Variants in TACC1 observed in about 807,000 individuals in gnomAD.
TACC1 encodes the protein transforming acidic coiled-coil-containing protein 1.
A neutral mutation model predicts 84.4 loss-of-function variants in TACC1; 48 were observed. The ratio of observed to expected loss-of-function variants is 0.57; its 90% CI spans 0.45 to 0.72. TACC1 has a LOEUF of 0.72. Ranked by LOEUF, TACC1 falls within the 30% of genes least tolerant of loss-of-function variation. The pLI is 0.00. For synonymous variants in TACC1, 372 were observed against 376.3 expected (o/e 0.99, Z 0.13); for missense variants, 920 against 973.0 (o/e 0.95, Z 0.72).
chr8:38,753,139 G>A (rs1390747647), intron 3 of TACC1, among the ~76,000 whole-genome samples: 2 of 152,178 alleles, frequency 1.3e-5, no homozygotes, highest in South Asian at 2.1e-4. Context: ...TCGCTGTGTC[G>A]CCCAGGCTGC....
intron 3 of TACC1, among the ~76,000 whole-genome samples, chr8:38,774,817 C>A (rs4733949): frequency 6.0e-4 from 91 of 152,192 alleles, no homozygotes; most frequent in African/African-American, 2.0e-3. Context: ...TCGAGACCAG[C>A]CTGTCCAACA....
intron 2 of TACC1, among the ~76,000 whole-genome samples, chr8:38,812,113 G>T (rs191456837): frequency 4.6e-5 from 7 of 152,102 alleles, no homozygotes; most frequent in Admixed American, 3.3e-4. Flanking sequence ...TGGTCAGACC[G>T]GTTCTCTGCT....
chr8:38,782,394 C>T (rs538020107), upstream of TACC1, among the ~76,000 whole-genome samples: 1 of 152,150 alleles, frequency 6.6e-6, no homozygotes, highest in African/African-American at 2.4e-5. Context: ...TGTATATGTG[C>T]CACATTTTCT....
intron 2 of TACC1, among the ~76,000 whole-genome samples, chr8:38,807,178 C>CG (rs35477473): frequency 7.2e-5 from 11 of 152,134 alleles, no homozygotes; most frequent in Non-Finnish European, 1.3e-4. Context: ...CTCATACTTC[C>CG]GAGAGTTTTT....
intron 1 of TACC1, among the ~76,000 whole-genome samples, chr8:38,733,393 G>T (rs905172358): frequency 6.6e-6 from 1 of 151,778 alleles, no homozygotes; most frequent in African/African-American, 2.4e-5. Context: ...TCATACACTG[G>T]TGCAGCTCTC....
intron 1 of TACC1, among the ~76,000 whole-genome samples, chr8:38,738,611 C>G (rs1467417142): frequency 6.6e-6 from 1 of 151,570 alleles, no homozygotes; most frequent in Non-Finnish European, 1.5e-5. Flanking sequence ...CTTCTGTGTC[C>G]CTTTGCTAGA....
chr8:38,843,203 AT>A, intron 10 of TACC1, 85 bp from the exon 11 acceptor site: 1 of 914,336 alleles, frequency 1.1e-6, no homozygotes, highest in Admixed American at 2.7e-5. Flanking sequence ...AGATTTTTCC[AT>A]TCTTTAAAAA....
chr8:38,787,754 GGCGTCCCC>G lies in TACC1; in HGVS notation c.161+14_161+21del. ...ATCCTTGAGTTTCAGGCAAGTACAC[GGCGTCCCC>G]GCTGAGATGCAGACGCGCTTGCCTC... On this transcript the variant is annotated intron_variant, in intron 1 of 12. Coordinates refer to ENST00000317827, the MANE Select transcript of TACC1 (RefSeq NM_006283.3). 1.3e-6 allele frequency: 2 copies of G among 1,517,734 alleles called. No individual in the cohort carries two copies. The highest frequency in any genetic ancestry group is 2.4e-5 in the South Asian group (2 of 82,600). 94.0% of individuals were successfully genotyped at this position (1,517,734 alleles called of 1,614,324 possible).
chr8:38,825,166 T>C, intron 3 of TACC1, 142 bp from the exon 4 acceptor site: 1 of 829,508 alleles, frequency 1.2e-6, no homozygotes, highest in Non-Finnish European at 2.0e-6. Context: ...TGTCCCTGCC[T>C]CTCTCCTGCG....
chr8:38,768,449 G>C (rs115093124), intron 3 of TACC1, among the ~76,000 whole-genome samples: 7 of 152,314 alleles, frequency 4.6e-5, no homozygotes, highest in Admixed American at 4.6e-4. Flanking sequence ...GTTGATGGAC[G>C]GTGTGATGGA....
intron 2 of TACC1, among the ~76,000 whole-genome samples, chr8:38,811,460 G>A (rs1824119312): frequency 6.6e-6 from 1 of 152,216 alleles, no homozygotes; most frequent in African/African-American, 2.4e-5. Flanking sequence ...CAGGGACCCT[G>A]AACGGAGGGA....
chr8:38,796,112 T>C (rs544446629), intron 2 of TACC1, among the ~76,000 whole-genome samples: 12 of 152,356 alleles, frequency 7.9e-5, no homozygotes, highest in African/African-American at 2.9e-4. Context: ...ATTTATTAGA[T>C]GTGTTGGGAA....
At chr8:38,785,776 T>C (rs1434945964), upstream of TACC1, 1 of 946,482 alleles carries the variant, frequency 1.1e-6, no homozygotes, top group African/African-American at 1.8e-5. Flanking sequence ...GGATAAGTGG[T>C]GTGATATATT....
chr8:38,731,185 T>TG (rs1462649902), intron 1 of TACC1, among the ~76,000 whole-genome samples: 3 of 152,184 alleles, frequency 2.0e-5, no homozygotes, highest in African/African-American at 7.2e-5. Flanking sequence ...GCGATCCTCC[T>TG]GCCTCAGCTG....
At chr8:38,752,457 C>T (rs1184692072) in intron 3 of TACC1, among the ~76,000 whole-genome samples, 5 of 152,034 alleles carry the variant, frequency 3.3e-5, no homozygotes, top group South Asian at 2.1e-4. Flanking sequence ...GGCGACAGAG[C>T]GAGACTCTGT....
upstream of TACC1, among the ~76,000 whole-genome samples, chr8:38,783,510 C>G (rs142101962): frequency 2.3e-3 from 348 of 152,000 alleles, 2 homozygotes; most frequent in African/African-American, 7.9e-3. Context: ...CAATCTCTGC[C>G]TCCCCGGTTC....
chr8:38,813,151 C>G (rs1257161309), intron 2 of TACC1, among the ~76,000 whole-genome samples: 1 of 152,108 alleles, frequency 6.6e-6, no homozygotes, highest in Non-Finnish European at 1.5e-5. Flanking sequence ...GACTAAATAT[C>G]TTAGACTAAT....
intron 1 of TACC1, among the ~76,000 whole-genome samples, chr8:38,735,959 C>A (rs776772433): frequency 1.8e-4 from 27 of 152,126 alleles, no homozygotes; most frequent in Non-Finnish European, 2.9e-4. Context: ...AGAACAAAAC[C>A]AGAAATGCAT....
At position 38,846,688 on chromosome 8, in the gene TACC1, A is replaced by G. The variant is rs1278387226; in HGVS notation, c.2229-11A>G. 6.2e-7 allele frequency: 1 copy of G among 1,613,938 alleles called. No homozygotes were observed. The highest frequency in any genetic ancestry group is 1.3e-5 in the African/African-American group (1 of 75,026). On this transcript the variant is annotated splice_polypyrimidine_tract_variant and intron_variant, in intron 11 of 12. Coordinates refer to ENST00000317827, the MANE Select transcript of TACC1 (RefSeq NM_006283.3). ...TTTTGTCTCTTTATTACACCCAAAC[A>G]CCATAAACAGAGCCAATGAAGAGAT... is the stretch of plus-strand genomic sequence containing the variant.
Sources: gnomAD v4.1 joint callset for allele counts (sites outside exome capture counted in the v4.1 genomes callset) on GRCh38, gnomAD v4.1.1 for gene constraint, MANE v1.5 for transcripts, NCBI Gene and HGNC (gene_info 2026-07-23, HGNC 2026-07-21) for gene names.